ERGIC1: variants seen among roughly 807,000 people sequenced by gnomAD.
The protein encoded by ERGIC1 is endoplasmic reticulum-Golgi intermediate compartment protein 1.
A neutral mutation model predicts 38.3 loss-of-function variants in ERGIC1; 19 were observed. The ratio of observed to expected loss-of-function variants is 0.50; its 90% CI spans 0.35 to 0.73. The LOEUF (loss-of-function observed/expected upper bound fraction) is 0.73. Among genes scored for constraint, ERGIC1 ranks in the 30% least tolerant of loss-of-function variants. The probability of loss-of-function intolerance (pLI) is 0.01; values close to 1 mark genes in which losing one functional copy is unlikely to be tolerated. For synonymous variants in ERGIC1, 124 were observed against 157.6 expected, an observed-to-expected ratio of 0.79 and a Z score of 1.60; for missense variants, 294 against 389.2, an observed-to-expected ratio of 0.76 and a Z score of 2.06.
chr5:172,908,969 C>T (rs1469813184), intron 3 of ERGIC1, among the ~76,000 whole-genome samples: 1 of 152,132 alleles, frequency 6.6e-6, no homozygotes, highest in Non-Finnish European at 1.5e-5. Context: ...CCTTATAAGA[C>T]CCCTATTTCT....
intron 9 of ERGIC1, among the ~76,000 whole-genome samples, chr5:172,940,920 C>T (rs1763996766): frequency 6.6e-6 from 1 of 152,244 alleles, no homozygotes; most frequent in Admixed American, 6.5e-5. Flanking sequence ...CCCCAGCATC[C>T]AGTGAAGGGC....
At chr5:172,921,358 C>T (rs1763515207) in intron 5 of ERGIC1, among the ~76,000 whole-genome samples, 1 of 152,262 alleles carries the variant, frequency 6.6e-6, no homozygotes, top group Non-Finnish European at 1.5e-5. Flanking sequence ...CACTCCTGAC[C>T]CAGCAAGTGT....
chr5:172,907,677 A>T (rs1234535556), intron 3 of ERGIC1, among the ~76,000 whole-genome samples: 1 of 152,144 alleles, frequency 6.6e-6, no homozygotes, highest in Non-Finnish European at 1.5e-5. Flanking sequence ...ACATGCTGCC[A>T]GGATGATGCC....
intron 1 of ERGIC1, among the ~76,000 whole-genome samples, chr5:172,838,158 G>A (rs923447633): frequency 3.3e-5 from 5 of 152,240 alleles, no homozygotes; most frequent in African/African-American, 4.8e-5. Flanking sequence ...TCACCTGGTA[G>A]AGTAGATGTA....
chr5:172,920,360 C>T (rs1478292521), intron 5 of ERGIC1: 1 of 717,914 alleles, frequency 1.4e-6, no homozygotes, highest in Non-Finnish European at 2.6e-6. Context: ...TATCCGACCC[C>T]CAGGAAGTTG....
intron 9 of ERGIC1, among the ~76,000 whole-genome samples, chr5:172,943,930 G>A (rs1239570187): frequency 2.0e-5 from 3 of 152,132 alleles, no homozygotes; most frequent in African/African-American, 7.2e-5. Context: ...AAAATGTAAG[G>A]GAAACACACA....
chr5:172,862,410 A>AC (rs1418024199), intron 1 of ERGIC1, among the ~76,000 whole-genome samples: 1 of 151,534 alleles, frequency 6.6e-6, no homozygotes, highest in African/African-American at 2.4e-5. Flanking sequence ...CACCATCGAG[A>AC]CCACACAAAT....
chr5:172,885,576 T>A (rs900342065), intron 1 of ERGIC1, among the ~76,000 whole-genome samples: 1 of 152,126 alleles, frequency 6.6e-6, no homozygotes, highest in African/African-American at 2.4e-5. Flanking sequence ...ATGGGAACTT[T>A]TAGATCCCCT....
chr5:172,910,023 A>T (rs1763167144), intron 4 of ERGIC1, among the ~76,000 whole-genome samples: 1 of 152,208 alleles, frequency 6.6e-6, no homozygotes, highest in Admixed American at 6.5e-5. Flanking sequence ...GTCATGTTAC[A>T]GCTTCGCAGC....
chr5:172,890,535 C>T (rs1485942382), intron 2 of ERGIC1, among the ~76,000 whole-genome samples: 1 of 152,224 alleles, frequency 6.6e-6, no homozygotes, highest in African/African-American at 2.4e-5. Flanking sequence ...CGTATGGGAA[C>T]TGTCTGTACT....
intron 1 of ERGIC1, among the ~76,000 whole-genome samples, chr5:172,873,226 G>A (rs145266404): frequency 1.3e-5 from 2 of 152,198 alleles, no homozygotes; most frequent in Admixed American, 6.5e-5. Flanking sequence ...GTTCTATCCC[G>A]GTGTGGGGCC....
chr5:172,905,145 C>G (rs1231847472), intron 3 of ERGIC1: 1 of 173,446 alleles, frequency 5.8e-6, no homozygotes, highest in African/African-American at 2.3e-5. Flanking sequence ...CATCATCCCA[C>G]AATCCCTCAG....
chr5:172,926,172 C>T lies in ERGIC1; in HGVS notation c.481-337C>T, dbSNP rs1763646055. 6.6e-6 allele frequency among the ~76,000 whole-genome samples: 1 copy of T among 152,294 alleles called. No homozygotes were observed. The highest frequency in any genetic ancestry group is 6.5e-5 in the Admixed American group (1 of 15,298). On this transcript the variant is annotated intron_variant, in intron 6 of 9. Coordinates refer to ENST00000393784, the MANE Select transcript of ERGIC1 (RefSeq NM_001031711.3). This position sits in a 1 kb window ranked among gnomAD's most constrained non-coding sequence, Gnocchi z 5.2. Reference sequence around the variant, plus strand: ...ACCTGATTTCAGAGTTTAGCTTAGCCACTTACCAGCCGGGCAAGTTTTGGT... The same window carrying T: ...ACCTGATTTCAGAGTTTAGCTTAGCTACTTACCAGCCGGGCAAGTTTTGGT...
intron 3 of ERGIC1, among the ~76,000 whole-genome samples, chr5:172,902,768 C>A (rs75149791): frequency 6.6e-6 from 1 of 152,120 alleles, no homozygotes; most frequent in Non-Finnish European, 1.5e-5. Flanking sequence ...CTCCACCCCA[C>A]CCCAAGCCCT....
chr5:172,924,517 C>T (rs1041205179), intron 6 of ERGIC1, among the ~76,000 whole-genome samples: 1 of 152,024 alleles, frequency 6.6e-6, no homozygotes, highest in African/African-American at 2.4e-5. Flanking sequence ...GCGAGAGACC[C>T]GTGGTAGACT....
chr5:172,874,921 T>TAA (rs541037638), intron 1 of ERGIC1, among the ~76,000 whole-genome samples: 12 of 101,300 alleles, frequency 1.2e-4, no homozygotes, highest in Admixed American at 2.2e-4. Flanking sequence ...AGACCCTGTC[T>TAA]AAAAAAAAAA....
chr5:172,937,354 G>A (rs973314658), intron 9 of ERGIC1: 11 of 152,196 alleles, frequency 7.2e-5, no homozygotes, highest in African/African-American at 2.7e-4. Context: ...AGAAATTGGA[G>A]GGATGGGATT....
At chr5:172,922,482 G>C (rs945693696) in intron 5 of ERGIC1, 4 of 152,710 alleles carry the variant, frequency 2.6e-5, no homozygotes, top group Non-Finnish European at 4.4e-5. Flanking sequence ...AGGGGATGGG[G>C]AATGGGGGCC....
At chr5:172,868,549 G>A (rs1312758855) in intron 1 of ERGIC1, among the ~76,000 whole-genome samples, 1 of 152,234 alleles carries the variant, frequency 6.6e-6, no homozygotes, top group African/African-American at 2.4e-5. Context: ...GGGGTTGCGG[G>A]AGGGAGGGAT....
Sources: gnomAD v4.1 joint callset for allele counts (sites outside exome capture counted in the v4.1 genomes callset) on GRCh38, gnomAD v4.1.1 for gene constraint, Gnocchi (gnomAD v3.1) non-coding constraint, MANE v1.5 for transcripts, NCBI Gene and HGNC (gene_info 2026-07-23, HGNC 2026-07-21) for gene names.